Variants in SH3KBP1 observed in about 807,000 individuals in gnomAD.
SH3KBP1 encodes the protein SH3 domain-containing kinase-binding protein 1.
A neutral mutation model predicts 50.1 loss-of-function variants in SH3KBP1; 8 were observed. That is an observed-to-expected ratio of 0.16 (90% CI 0.09 to 0.29). SH3KBP1 has a LOEUF of 0.29. Among genes scored for constraint, SH3KBP1 ranks in the 10% least tolerant of loss-of-function variants. The probability of loss-of-function intolerance (pLI) is 1.00; values close to 1 mark genes in which losing one functional copy is unlikely to be tolerated. For synonymous variants in SH3KBP1, 227 were observed against 218.6 expected (o/e 1.04, Z -0.34); for missense variants, 377 against 535.2 (o/e 0.70, Z 2.92).
chrX:19,541,848 C>G, intron 16 of SH3KBP1, 77 bp downstream of exon 16: 2 of 1,111,592 alleles, frequency 1.8e-6, no homozygotes, highest in Non-Finnish European at 1.2e-6. Flanking sequence ...AGGCTGGGAT[C>G]CATGCTTTCA....
chrX:19,731,702 T>G (rs2064383014), intron 3 of SH3KBP1, among the ~76,000 whole-genome samples: 1 of 112,265 alleles, frequency 8.9e-6, no homozygotes, highest in African/African-American at 3.2e-5. Context: ...TGCCTTGAAG[T>G]AACTTGTTTT....
At chrX:19,581,878 T>C (rs1183735174) in intron 12 of SH3KBP1, among the ~76,000 whole-genome samples, 1 of 104,409 alleles carries the variant, frequency 9.6e-6, no homozygotes, top group African/African-American at 3.5e-5. Flanking sequence ...AAAAAAGCGA[T>C]TCCACTGCGT....
At chrX:19,823,694 T>C (rs2067592615) in intron 2 of SH3KBP1, among the ~76,000 whole-genome samples, 1 of 112,620 alleles carries the variant, frequency 8.9e-6, no homozygotes, top group Admixed American at 9.4e-5. Flanking sequence ...GTAGAAGTTG[T>C]GGGGACTTAA....
At chrX:19,542,338 C>G in intron 15 of SH3KBP1, 145 bp from the exon 16 acceptor site, 2 of 568,410 alleles carry the variant, frequency 3.5e-6, no homozygotes, top group Non-Finnish European at 5.2e-6. Flanking sequence ...CCACAAGCCA[C>G]CAAGGGCCTG....
intron 8 of SH3KBP1, among the ~76,000 whole-genome samples, chrX:19,618,570 A>G (rs1309236261): frequency 1.8e-5 from 2 of 111,368 alleles, no homozygotes; most frequent in African/African-American, 6.5e-5. Context: ...TATTGATTTC[A>G]TAATTTCCTT....
rs758867811 is a variant in SH3KBP1, at chrX:19,559,594, G to T, written c.1384+9509C>A. 8.1e-5 allele frequency among the ~76,000 whole-genome samples: 9 copies of T among 110,828 alleles called. No homozygotes were observed. The East Asian group carries it at 2.6e-3, about 32-fold the overall frequency. ...TCCACCTGCCTCGGCCTCCCAAAAT[G>T]CTGGGATTACAGGTGTGAGCCACTG... On this transcript the variant is annotated intron_variant, in intron 13 of 17. Coordinates refer to ENST00000397821, the MANE Select transcript of SH3KBP1 (RefSeq NM_031892.3).
At chrX:19,587,029 C>T (rs1470565630) in intron 12 of SH3KBP1, among the ~76,000 whole-genome samples, 1 of 110,106 alleles carries the variant, frequency 9.1e-6, no homozygotes, top group African/African-American at 3.3e-5. Context: ...TTGAGACCAG[C>T]CTGACCAACA....
At chrX:19,554,256 AT>A (rs2065397423) in intron 13 of SH3KBP1, among the ~76,000 whole-genome samples, 1 of 84,475 alleles carries the variant, frequency 1.2e-5, no homozygotes, top group African/African-American at 4.7e-5. Context: ...ATTAAAATAT[AT>A]TATATATATT....
intron 3 of SH3KBP1, 118 bp from the exon 4 acceptor site, chrX:19,707,102 G>C: frequency 1.6e-6 from 1 of 627,505 alleles, no homozygotes; most frequent in South Asian, 2.2e-5. Flanking sequence ...TGCTCTCTGG[G>C]ACATGGCTTG....
chrX:19,674,566 T>C (rs1385669698), intron 6 of SH3KBP1, among the ~76,000 whole-genome samples: 2 of 112,001 alleles, frequency 1.8e-5, no homozygotes. Flanking sequence ...CAAAACAGTA[T>C]CTTCATTCAT....
chrX:19,817,939 T>A (rs1439848220), intron 2 of SH3KBP1, among the ~76,000 whole-genome samples: 1 of 111,907 alleles, frequency 8.9e-6, no homozygotes. Context: ...CCAGCCAATA[T>A]TTAGATATGT....
chrX:19,638,694 A>G (rs1187108959), intron 7 of SH3KBP1, among the ~76,000 whole-genome samples: 1 of 111,907 alleles, frequency 8.9e-6, no homozygotes, highest in Non-Finnish European at 1.9e-5. Flanking sequence ...TGGAGGGTGG[A>G]CAAGTATGGT....
chrX:19,796,514 G>C (rs2066720568), intron 2 of SH3KBP1, among the ~76,000 whole-genome samples: 1 of 111,715 alleles, frequency 9.0e-6, no homozygotes, highest in African/African-American at 3.3e-5. Context: ...ACAAAGAAAG[G>C]AAGTGCCAAG....
intron 2 of SH3KBP1, among the ~76,000 whole-genome samples, chrX:19,805,043 G>A (rs1157717848): frequency 1.8e-5 from 2 of 109,485 alleles, no homozygotes; most frequent in African/African-American, 3.3e-5. Context: ...CAAATGGGAG[G>A]GCACAATCAA....
intron 14 of SH3KBP1, among the ~76,000 whole-genome samples, chrX:19,548,197 CCCCCAA>C (rs1187517319): frequency 8.9e-6 from 1 of 112,002 alleles, no homozygotes; most frequent in Non-Finnish European, 1.9e-5. Context: ...CTCACCACAT[CCCCCAA>C]ATACATACGA....
At chrX:19,640,040 T>C (rs975046827) in intron 7 of SH3KBP1, among the ~76,000 whole-genome samples, 2 of 108,865 alleles carry the variant, frequency 1.8e-5, no homozygotes, top group Non-Finnish European at 3.8e-5. Context: ...ACCTGCAAAG[T>C]GATCAGGAAA....
intron 13 of SH3KBP1, among the ~76,000 whole-genome samples, chrX:19,551,907 C>T (rs1294200416): frequency 9.0e-6 from 1 of 111,046 alleles, no homozygotes; most frequent in Non-Finnish European, 1.9e-5. Flanking sequence ...ATCACTTTCC[C>T]CTGATGATAA....
intron 3 of SH3KBP1, among the ~76,000 whole-genome samples, chrX:19,722,147 T>C (rs779344098): frequency 6.2e-5 from 7 of 112,484 alleles, no homozygotes; most frequent in Non-Finnish European, 1.3e-4. Context: ...AAGAGCCACT[T>C]TGGGCAACTT....
chrX:19,569,314 G>A (rs949965713), intron 12 of SH3KBP1, 126 bp from the exon 13 acceptor site: 15 of 601,392 alleles, frequency 2.5e-5, no homozygotes, highest in Non-Finnish European at 3.6e-5. Context: ...TGCCTGTGAG[G>A]GAGCCAGAGA....
Sources: gnomAD v4.1 joint callset for allele counts (sites outside exome capture counted in the v4.1 genomes callset) on GRCh38, gnomAD v4.1.1 for gene constraint, MANE v1.5 for transcripts, NCBI Gene and HGNC (gene_info 2026-07-23, HGNC 2026-07-21) for gene names.